DNAH3: variants seen among roughly 807,000 people sequenced by gnomAD.
The protein encoded by DNAH3 is axonemal beta dynein heavy chain 3.
DNAH3 carries 332 observed loss-of-function variants against 432.5 expected under a neutral mutation model. That is an observed-to-expected ratio of 0.77 (90% CI 0.70 to 0.84). DNAH3 has a LOEUF of 0.84. Ranked by LOEUF, DNAH3 falls within the 40% of genes least tolerant of loss-of-function variation. The probability of loss-of-function intolerance (pLI) is 0.00; values close to 1 mark genes in which losing one functional copy is unlikely to be tolerated. For missense variants in DNAH3, 4,861 were observed against 5,114.0 expected (o/e 0.95, Z 1.51); for synonymous variants, 1,956 against 1,900.2 (o/e 1.03, Z -0.76).
chr16:21,051,943 A>C (rs2089971469), intron 28 of DNAH3, 75 bp from the exon 29 acceptor site: 7 of 1,237,312 alleles, frequency 5.7e-6, no homozygotes, highest in Non-Finnish European at 8.3e-6. Flanking sequence ...CCTCAGTTAC[A>C]AGTGGATGTT....
chr16:20,969,069 A>G lies in DNAH3; in HGVS notation c.8458+723T>C, dbSNP rs532905459. Among the ~76,000 whole-genome samples the G allele has an allele frequency of 8.1e-4, 116 of 142,672 alleles. 2 individuals are homozygous for G. The Admixed American group carries it at 8.2e-3, about 10-fold the overall frequency. 93.6% of individuals were successfully genotyped at this position (142,672 alleles called of 152,430 possible). On this transcript the variant is annotated intron_variant, in intron 52 of 61. Transcript: ENST00000261383. ...CACTTGTGCATGCAAGTCTCTCCCC[A>G]TCTGCTTTTTCTTTCTCTGTGTGTG...
intron 55 of DNAH3, among the ~76,000 whole-genome samples, chr16:20,953,139 GTTTGT>G (rs1363476271): frequency 1.1e-4 from 17 of 151,402 alleles, no homozygotes; most frequent in Non-Finnish European, 1.9e-4. Context: ...TTTTGCTTTT[GTTTGT>G]TTTGTTTTTT....
At position 21,059,074 on chromosome 16, in the gene DNAH3, C is replaced by T. The variant is rs374980161; in HGVS notation, c.3814-878G>A. 1.5e-3 allele frequency among the ~76,000 whole-genome samples: 229 copies of T among 152,202 alleles called. 7 individuals are homozygous for T. The South Asian group carries it at 0.046, about 31-fold the overall frequency. ...CCCATCATTTAAATATTGTCTGATG[C>T]TTTTGTGCCACAAGGGCAAAGCTAC... On this transcript the variant is annotated intron_variant, in intron 26 of 61. Transcript: ENST00000261383.
chr16:20,979,700 AG>A (rs1286762840), intron 49 of DNAH3, among the ~76,000 whole-genome samples, 154 bp from the exon 50 acceptor site: 1 of 152,140 alleles, frequency 6.6e-6, no homozygotes, highest in East Asian at 1.9e-4. Context: ...AACAGAGCTG[AG>A]GCAGAGAAGG....
At chr16:20,981,793 T>C (rs895198262) in intron 49 of DNAH3, among the ~76,000 whole-genome samples, 2 of 151,788 alleles carry the variant, frequency 1.3e-5, no homozygotes, top group African/African-American at 2.4e-5. Flanking sequence ...GCCAAGCACC[T>C]TCTAGAAACT....
chr16:21,059,779 A>G lies in DNAH3; in HGVS notation c.3813+485T>C, dbSNP rs1277988634. On this transcript the variant is annotated intron_variant, in intron 26 of 61. Transcript: ENST00000261383. ...AGACAGAGTGAGACTCCATCTCAAA[A>G]AAAAAAAAAAAGAAGAAAGAGAGCT... is the stretch of plus-strand genomic sequence containing the variant. Among the ~76,000 whole-genome samples the G allele has an allele frequency of 2.0e-5, 3 of 151,678 alleles. No individual in the cohort carries two copies. The East Asian group carries it at 5.8e-4, about 29-fold the overall frequency.
At chr16:21,153,536 C>T (rs533515210) in intron 1 of DNAH3, among the ~76,000 whole-genome samples, 2 of 152,292 alleles carry the variant, frequency 1.3e-5, no homozygotes, top group African/African-American at 2.4e-5. Flanking sequence ...GCAGGCTGCC[C>T]GGGCCAGCAG....
At chr16:21,020,348 G>GTGTGTGTATATA in intron 40 of DNAH3, among the ~76,000 whole-genome samples, 2 of 69,158 alleles carry the variant, frequency 2.9e-5, no homozygotes, top group South Asian at 6.4e-4. Context: ...TATAGTGTGT[G>GTGTGTGTATATA]TATATATATA....
Position 20,998,268 on chromosome 16 carries a change from T to A in DNAH3, c.6422-806A>T, listed in dbSNP as rs140024099. Among the ~76,000 whole-genome samples the A allele has an allele frequency of 2.6e-5, 4 of 152,290 alleles. No individual in the cohort carries two copies. The East Asian group carries it at 7.7e-4, about 29-fold the overall frequency. On this transcript the variant is annotated intron_variant, in intron 43 of 61. Coordinates refer to ENST00000261383, the Ensembl canonical transcript of DNAH3. ...GTTTTTTGTTTGTTTGTTTTGTTTT[T>A]GTTTTTGAGACAGTCTTGCTCTGTC...
intron 18 of DNAH3, among the ~76,000 whole-genome samples, chr16:21,094,701 G>C (rs183753616): frequency 1.3e-5 from 2 of 152,138 alleles, no homozygotes; most frequent in African/African-American, 4.8e-5. Context: ...AATACCCAGT[G>C]GCTGGTTGAT....
intron 19 of DNAH3, among the ~76,000 whole-genome samples, chr16:21,083,510 T>C (rs1441887099): frequency 3.3e-5 from 5 of 152,222 alleles, no homozygotes; most frequent in African/African-American, 1.2e-4. Context: ...GCCTTTTAGA[T>C]TTGTGGCTTC....
chr16:21,031,180 C>T (rs1231921579), exon 37 of DNAH3: 2 of 1,614,146 alleles, frequency 1.2e-6, no homozygotes, highest in African/African-American at 1.3e-5. Context: ...GGACACCATC[C>T]ATCCACTCGT....
chr16:21,097,258 C>T, intron 18 of DNAH3, 97 bp downstream of exon 18: 2 of 1,420,308 alleles, frequency 1.4e-6, no homozygotes, highest in South Asian at 1.2e-5. Flanking sequence ...ATTAAAAGTC[C>T]AGCCAGATTC....
At chr16:20,966,259 G>A (rs150393254) in intron 52 of DNAH3, among the ~76,000 whole-genome samples, 3,311 of 149,712 alleles carry the variant, frequency 0.022, 51 homozygotes, top group Non-Finnish European at 0.032. Flanking sequence ...GGCTGGTCTC[G>A]AACTCCTGAC....
At chr16:21,045,679 T>C (rs1345592383) in intron 31 of DNAH3, among the ~76,000 whole-genome samples, 3 of 149,778 alleles carry the variant, frequency 2.0e-5, no homozygotes, top group Non-Finnish European at 3.0e-5. Context: ...TTTCCTTCAG[T>C]TCTGCTCTGA....
chr16:20,960,621 G>T (rs1268396203), intron 53 of DNAH3, among the ~76,000 whole-genome samples: 1 of 152,170 alleles, frequency 6.6e-6, no homozygotes, highest in Non-Finnish European at 1.5e-5. Flanking sequence ...AAAATTGTTT[G>T]AACCTGGGAA....
chr16:20,991,511 G>A (rs145658419), intron 44 of DNAH3, among the ~76,000 whole-genome samples: 4,981 of 152,172 alleles, frequency 0.033, 92 homozygotes, highest in Middle Eastern at 0.065. Flanking sequence ...TGATTCACCC[G>A]CCTCGGCCTC....
At chr16:21,081,686 C>G in exon 20 of DNAH3, 2 of 1,613,906 alleles carry the variant, frequency 1.2e-6, no homozygotes, top group Non-Finnish European at 1.7e-6. Flanking sequence ...AGAGGCAGGT[C>G]GTTTCGGTGG....
At chr16:21,051,254 C>T (rs2089943546) in intron 29 of DNAH3, among the ~76,000 whole-genome samples, 1 of 152,196 alleles carries the variant, frequency 6.6e-6, no homozygotes, top group Non-Finnish European at 1.5e-5. Context: ...GAGGACTTTG[C>T]TGAGCACAGA....
Sources: allele counts gnomAD v4.1 joint callset (sites outside exome capture counted in the v4.1 genomes callset), GRCh38; gene constraint gnomAD v4.1.1; transcripts MANE v1.5; gene names NCBI Gene and HGNC (gene_info 2026-07-23, HGNC 2026-07-21).